The following ANKS1B variants were observed in gnomAD, a reference collection of about 807,000 sequenced individuals.
ANKS1B encodes the protein ankyrin repeat and sterile alpha motif domain-containing protein 1B.
A neutral mutation model predicts 148.3 loss-of-function variants in ANKS1B; 36 were observed. The observed-to-expected ratio is 0.24, with a 90% confidence interval of 0.19 to 0.32. The LOEUF is 0.32. Ranked by LOEUF, ANKS1B falls within the 10% of genes least tolerant of loss-of-function variation. The pLI, the probability that ANKS1B is intolerant of heterozygous loss-of-function variation, is 1.00. For synonymous variants in ANKS1B, 542 were observed against 560.8 expected (o/e 0.97, Z 0.47); for missense variants, 1,157 against 1,542.6 (o/e 0.75, Z 4.19).
chr12:98,907,050 T>C (rs2099780268), intron 17 of ANKS1B, among the ~76,000 whole-genome samples: 1 of 141,758 alleles, frequency 7.1e-6, no homozygotes, highest in Non-Finnish European at 1.6e-5. Context: ...TGTGTGTGTA[T>C]GTATGGTGAG....
chr12:99,856,526 C>G (rs2153712221), intron 1 of ANKS1B, among the ~76,000 whole-genome samples: 1 of 152,136 alleles, frequency 6.6e-6, no homozygotes, highest in Middle Eastern at 3.4e-3. Flanking sequence ...CTCCATAAAT[C>G]ATTCTATGAA....
intron 25 of ANKS1B, among the ~76,000 whole-genome samples, chr12:98,772,835 A>G (rs1316666855): frequency 2.0e-5 from 3 of 152,214 alleles, no homozygotes; most frequent in Middle Eastern, 3.2e-3. Flanking sequence ...GGCCCCCAGA[A>G]GCTGTGAGAA....
At chr12:99,209,788 G>A (rs1171162401) in intron 14 of ANKS1B, among the ~76,000 whole-genome samples, 1 of 152,102 alleles carries the variant, frequency 6.6e-6, no homozygotes, top group African/African-American at 2.4e-5. Flanking sequence ...AATGGCTAAG[G>A]TCAGCCTGAT....
chr12:99,295,288 T>A (rs1282595605), intron 12 of ANKS1B, among the ~76,000 whole-genome samples: 2 of 152,344 alleles, frequency 1.3e-5, no homozygotes, highest in Admixed American at 1.3e-4. Flanking sequence ...ATTAGCCCAA[T>A]GGCTAATGAT....
chr12:98,892,999 G>A (rs1057090784), intron 17 of ANKS1B, among the ~76,000 whole-genome samples: 12 of 152,302 alleles, frequency 7.9e-5, no homozygotes, highest in African/African-American at 2.9e-4. Context: ...TTCCATCCTT[G>A]AACAAGGAGC....
At chr12:99,294,034 C>T (rs1293703316) in intron 12 of ANKS1B, among the ~76,000 whole-genome samples, 1 of 152,062 alleles carries the variant, frequency 6.6e-6, no homozygotes, top group Non-Finnish European at 1.5e-5. Flanking sequence ...TAATGAATGC[C>T]AGCAAGGATG....
At chr12:99,054,740 C>G (rs1057434388) in intron 16 of ANKS1B, among the ~76,000 whole-genome samples, 1 of 152,160 alleles carries the variant, frequency 6.6e-6, no homozygotes, top group African/African-American at 2.4e-5. Context: ...GACAGAGTTT[C>G]ACCATGTTGG....
intron 12 of ANKS1B, among the ~76,000 whole-genome samples, chr12:99,384,534 CA>C (rs139342135): frequency 0.031 from 4,734 of 152,154 alleles, 242 homozygotes; most frequent in African/African-American, 0.1. Context: ...TAGTAAGTGG[CA>C]AACTAAAGAC....
chr12:99,901,014 A>G (rs1350869759), intron 1 of ANKS1B, among the ~76,000 whole-genome samples: 1 of 152,214 alleles, frequency 6.6e-6, no homozygotes, highest in Non-Finnish European at 1.5e-5. Context: ...CTAGAAAAGC[A>G]AATTGTCTTT....
chr12:98,746,096 C>A (rs1376634403), intron 26 of ANKS1B, among the ~76,000 whole-genome samples: 2 of 152,134 alleles, frequency 1.3e-5, no homozygotes, highest in Admixed American at 1.3e-4. Flanking sequence ...AGACGGGGAG[C>A]AGACAGAGGC....
intron 24 of ANKS1B, among the ~76,000 whole-genome samples, chr12:98,778,034 G>T (rs2098697766): frequency 6.6e-6 from 1 of 152,226 alleles, no homozygotes; most frequent in South Asian, 2.1e-4. Flanking sequence ...CTGTGTGACT[G>T]CAGGGCAGCA....
intron 9 of ANKS1B, among the ~76,000 whole-genome samples, chr12:99,537,574 G>A (rs2097083993): frequency 6.6e-6 from 1 of 152,110 alleles, no homozygotes; most frequent in Non-Finnish European, 1.5e-5. Flanking sequence ...TGTGAGAAAT[G>A]TATATTCAAA....
chr12:99,501,920 C>T (rs1054976225), intron 10 of ANKS1B, among the ~76,000 whole-genome samples: 4 of 152,066 alleles, frequency 2.6e-5, no homozygotes, highest in Non-Finnish European at 2.9e-5. Context: ...CTTTTTGATA[C>T]TTTTAAGAAG....
intron 1 of ANKS1B, among the ~76,000 whole-genome samples, chr12:99,947,474 G>A (rs1031854735): frequency 3.3e-5 from 5 of 152,022 alleles, no homozygotes; most frequent in African/African-American, 7.3e-5. Flanking sequence ...GTTTAGAAAC[G>A]TAACAATGAA....
In ANKS1B at chr12:98,916,874, A is replaced by G. The variant is rs78279262; in HGVS notation, c.2779-84738T>C. On this transcript the variant is annotated intron_variant, in intron 17 of 26. Coordinates refer to ENST00000683438, the MANE Select transcript of ANKS1B (RefSeq NM_001352186.2). ...GGTACATATCAGATCCCCAATAATA[A>G]GAGCAAACATTTATGTGTCTTTATT... Among the ~76,000 whole-genome samples, 166 of 152,338 alleles carry G rather than the reference A, an allele frequency of 1.1e-3. 5 individuals carry two copies. The East Asian group carries it at 0.028, about 25-fold the overall frequency.
intron 10 of ANKS1B, among the ~76,000 whole-genome samples, chr12:99,463,442 G>A (rs532328563): frequency 6.6e-6 from 1 of 152,166 alleles, no homozygotes; most frequent in Non-Finnish European, 1.5e-5. Context: ...GTGGGTGCAG[G>A]ACAGTGGGTG....
chr12:99,429,923 C>G (rs1322838659), intron 11 of ANKS1B, among the ~76,000 whole-genome samples: 1 of 151,918 alleles, frequency 6.6e-6, no homozygotes, highest in African/African-American at 2.4e-5. Flanking sequence ...AAGATCGTGT[C>G]ACTGCACTCC....
At chr12:99,196,129 G>A (rs2081355166) in intron 14 of ANKS1B, among the ~76,000 whole-genome samples, 1 of 152,118 alleles carries the variant, frequency 6.6e-6, no homozygotes, top group Admixed American at 6.6e-5. Flanking sequence ...TATTACTGGT[G>A]ATTTTTATTT....
intron 15 of ANKS1B, among the ~76,000 whole-genome samples, chr12:99,114,382 A>C (rs2060903310): frequency 6.6e-6 from 1 of 152,240 alleles, no homozygotes; most frequent in African/African-American, 2.4e-5. Flanking sequence ...CAACAGAGTA[A>C]ATAGACAACT....
Sources: gnomAD v4.1 joint callset for allele counts (sites outside exome capture counted in the v4.1 genomes callset) on GRCh38, gnomAD v4.1.1 for gene constraint, MANE v1.5 for transcripts, NCBI Gene and HGNC (gene_info 2026-07-23, HGNC 2026-07-21) for gene names.